Variants in KIF13A observed in about 807,000 individuals in gnomAD.
KIF13A encodes the protein kinesin family member 13A, also known as kinesin-like protein KIF13A.
A neutral mutation model predicts 212.2 loss-of-function variants in KIF13A; 79 were observed. That is an observed-to-expected ratio of 0.37 (90% confidence interval 0.31 to 0.45). The LOEUF (loss-of-function observed/expected upper bound fraction) is 0.45, where lower values mean the gene tolerates loss of function less well. Among genes scored for constraint, KIF13A ranks in the 20% least tolerant of loss-of-function variants. The probability of loss-of-function intolerance (pLI) is 1.00; values close to 1 mark genes in which losing one functional copy is unlikely to be tolerated. For missense variants in KIF13A, 1,901 were observed against 2,209.0 expected (o/e 0.86, Z 2.79); for synonymous variants, 789 against 808.6 (o/e 0.98, Z 0.41).
chr6:17,894,898 G>A (rs531999141), intron 3 of KIF13A, among the ~76,000 whole-genome samples: 1 of 152,262 alleles, frequency 6.6e-6, no homozygotes, highest in African/African-American at 2.4e-5. Context: ...GGGATTGATA[G>A]AAAGGATGTG....
intron 4 of KIF13A, among the ~76,000 whole-genome samples, chr6:17,859,870 C>T (rs1768568268): frequency 1.3e-5 from 2 of 151,178 alleles, no homozygotes; most frequent in African/African-American, 4.9e-5. Flanking sequence ...CTCCTGACCT[C>T]GTGATCCACC....
At chr6:17,866,918 G>A (rs57069417) in intron 4 of KIF13A, among the ~76,000 whole-genome samples, 1,808 of 139,648 alleles carry the variant, frequency 0.013, 42 homozygotes, top group African/African-American at 0.046. Flanking sequence ...AATTTAACAC[G>A]ATTAGCAAAG....
chr6:17,896,391 A>C (rs1772568456), intron 3 of KIF13A, among the ~76,000 whole-genome samples: 1 of 152,132 alleles, frequency 6.6e-6, no homozygotes, highest in Non-Finnish European at 1.5e-5. Context: ...TTTTAAATAA[A>C]ATTTTATTCT....
chr6:17,950,777 A>C, intron 2 of KIF13A: 2 of 980,352 alleles, frequency 2.0e-6, no homozygotes, highest in Non-Finnish European at 2.4e-6. Flanking sequence ...CCAACTAGAA[A>C]AATCTCTAAT....
rs1403558649 is a variant in KIF13A at position 17,915,877 on chromosome 6, A to C, written c.147-17697T>G. Among the ~76,000 whole-genome samples, 4 of 151,694 alleles carry C rather than the reference A, an allele frequency of 2.6e-5. No individual in the cohort carries two copies. Among genetic ancestry groups the C allele is most frequent in the Admixed American group, 2.6e-4 (4 of 15,192 alleles). On this transcript the variant is annotated intron_variant, in intron 2 of 38. Coordinates refer to ENST00000259711, the MANE Select transcript of KIF13A (RefSeq NM_022113.6). The surrounding 1 kb of genome is among the most constrained non-coding windows in gnomAD (Gnocchi z 4.4). ...CCCAAGAGGCTGAGGTGGTAGGATC[A>C]TTGCAGTAAGCCAAGATGGCACCAC...
chr6:17,913,765 C>T (rs895506090), intron 2 of KIF13A, among the ~76,000 whole-genome samples: 1 of 152,106 alleles, frequency 6.6e-6, no homozygotes, highest in Non-Finnish European at 1.5e-5. Context: ...TCTCCTGAAA[C>T]TGAAGGAAAA....
intron 2 of KIF13A, among the ~76,000 whole-genome samples, chr6:17,905,611 C>T (rs1398608965): frequency 6.6e-6 from 1 of 152,098 alleles, no homozygotes; most frequent in Non-Finnish European, 1.5e-5. Context: ...TCCAAAAAAG[C>T]GGGGGATTCA....
intron 20 of KIF13A, among the ~76,000 whole-genome samples, chr6:17,802,201 G>A (rs747561776): frequency 1.3e-5 from 2 of 152,060 alleles, no homozygotes; most frequent in African/African-American, 4.8e-5. Flanking sequence ...GAAATTACTC[G>A]ATGATATCTG....
chr6:17,805,377 GT>G, intron 19 of KIF13A, 97 bp downstream of exon 19: 1 of 151,306 alleles, frequency 6.6e-6, no homozygotes, highest in Non-Finnish European at 1.3e-5. Flanking sequence ...CTCCGTGTGT[GT>G]GTGTGTGTGT....
intron 2 of KIF13A, among the ~76,000 whole-genome samples, chr6:17,945,293 A>C (rs1201823046): frequency 1.3e-5 from 2 of 152,138 alleles, no homozygotes; most frequent in Non-Finnish European, 2.9e-5. Context: ...CATTTATGTA[A>C]GGTGCCAAAA....
At chr6:17,909,756 T>C (rs897816837) in intron 2 of KIF13A, among the ~76,000 whole-genome samples, 4 of 151,578 alleles carry the variant, frequency 2.6e-5, no homozygotes, top group African/African-American at 9.7e-5. Context: ...TAGCCAGGTG[T>C]GGTGGTGCGT....
chr6:17,881,918 C>T (rs956788301), intron 3 of KIF13A: 16 of 433,992 alleles, frequency 3.7e-5, no homozygotes, highest in Admixed American at 1.9e-4. Context: ...AATGCTTGAA[C>T]CCGGGAGACT....
At chr6:17,935,883 T>C (rs1334530657) in intron 2 of KIF13A, among the ~76,000 whole-genome samples, 3 of 152,234 alleles carry the variant, frequency 2.0e-5, no homozygotes, top group Non-Finnish European at 2.9e-5. Flanking sequence ...GATGGTTTGA[T>C]TGGCTTTGAA....
In KIF13A at chr6:17,789,042, T is replaced by C. The variant is rs558426353; in HGVS notation, c.3261+830A>G. ...CCAGCCACTGTACCCACATTTTACA[T>C]GTAGGAAGGCACACTGGGAAAACAT... On this transcript the variant is annotated intron_variant, in intron 26 of 38. Transcript: ENST00000259711. This position sits in a 1 kb window ranked among gnomAD's most constrained non-coding sequence, Gnocchi z 4.8. 4.4e-4 allele frequency among the ~76,000 whole-genome samples: 67 copies of C among 152,228 alleles called. No homozygotes were observed. The highest frequency in any genetic ancestry group is 1.2e-3 in the African/African-American group (49 of 41,548).
At chr6:17,805,295 A>G (rs557439572) in intron 19 of KIF13A, among the ~76,000 whole-genome samples, 180 bp downstream of exon 19, 4 of 152,202 alleles carry the variant, frequency 2.6e-5, no homozygotes, top group African/African-American at 9.6e-5. Flanking sequence ...TTACTGATCC[A>G]ACTTAGCGCT....
intron 2 of KIF13A, among the ~76,000 whole-genome samples, chr6:17,973,011 A>T (rs531118446): frequency 6.6e-6 from 1 of 152,318 alleles, no homozygotes; most frequent in Non-Finnish European, 1.5e-5. Flanking sequence ...GGAAGAGGGC[A>T]TAAACCAGAG....
At chr6:17,939,507 T>C (rs1298528932) in intron 2 of KIF13A, among the ~76,000 whole-genome samples, 1 of 152,162 alleles carries the variant, frequency 6.6e-6, no homozygotes, top group Non-Finnish European at 1.5e-5. Context: ...GATTCCTTCT[T>C]GAATGTAGCA....
In KIF13A at chr6:17,764,305, C is replaced by T. The variant is rs1320598109; in HGVS notation, c.5223G>A (p.Val1741=). ...EDHSFTEFMG[V]SEGKDFDGLT... ...AACCATCAAAATCTTTTCCCTCTGA[C>T]ACTCCCATAAATTCTGTGAAAGAAT... Residue 1741 remains valine, a synonymous_variant, in exon 39 of 39, where the codon GTG becomes GTA. Coordinates refer to ENST00000259711, the MANE Select transcript of KIF13A (RefSeq NM_022113.6). The surrounding 1 kb of genome is among the most constrained non-coding windows in gnomAD (Gnocchi z 5.1). 6.2e-7 allele frequency: 1 copy of T among 1,613,908 alleles called. No individual in the cohort carries two copies. The highest frequency in any genetic ancestry group is 1.1e-5 in the South Asian group (1 of 91,092).
rs762033876 is a variant in KIF13A at position 17,772,042 on chromosome 6, G to A, written c.4342C>T (p.Pro1448Ser). The A allele has an allele frequency of 6.2e-6, 10 of 1,613,808 alleles. No individual in the cohort carries two copies. In the East Asian group the frequency reaches 8.9e-5, roughly 14 times the overall value. ...AAAGGGCTGACGGTTAAGGCATGAG[G>A]AGTCTCTGATGTACAACCTAGGGAA... ...RNKEGCTSETPHALTVSPFKA... is the reference protein window; with the variant it reads ...RNKEGCTSETSHALTVSPFKA... The change falls in exon 37 of 39, where the codon CCT becomes TCT. Residue 1448 changes from proline to serine, a missense_variant. By Grantham distance (74) the Pro-to-Ser change is moderately conservative. Coordinates refer to ENST00000259711, the MANE Select transcript of KIF13A (RefSeq NM_022113.6). This position sits in a 1 kb window ranked among gnomAD's most constrained non-coding sequence, Gnocchi z 4.8.
Sources: gnomAD v4.1 joint callset for allele counts (sites outside exome capture counted in the v4.1 genomes callset) on GRCh38, gnomAD v4.1.1 for gene constraint, Gnocchi (gnomAD v3.1) non-coding constraint, MANE v1.5 for transcripts, NCBI Gene and HGNC (gene_info 2026-07-23, HGNC 2026-07-21) for gene names.